ARL14EP: variants seen among roughly 807,000 people sequenced by gnomAD.
The protein encoded by ARL14EP is ARL14 effector protein.
A neutral mutation model predicts 23.1 loss-of-function variants in ARL14EP; 12 were observed. The ratio of observed to expected loss-of-function variants is 0.52; its 90% confidence interval spans 0.33 to 0.84. ARL14EP has a LOEUF of 0.84. Ranked by LOEUF, ARL14EP falls within the 40% of genes least tolerant of loss-of-function variation. The probability of loss-of-function intolerance (pLI) is 0.02; values close to 1 mark genes in which losing one functional copy is unlikely to be tolerated. For missense variants in ARL14EP, 253 were observed against 307.3 expected (o/e 0.82, Z 1.32); for synonymous variants, 97 against 102.0 (o/e 0.95, Z 0.29).
intron 2 of ARL14EP, 125 bp downstream of exon 2, chr11:30,331,499 G>A (rs1947283160): frequency 6.6e-7 from 1 of 1,514,754 alleles, no homozygotes; most frequent in South Asian, 1.3e-5. Flanking sequence ...AAAAGGAGGG[G>A]TGAAAGTGGA....
chr11:30,326,827 C>T (rs931178156), intron 1 of ARL14EP, among the ~76,000 whole-genome samples: 5 of 151,978 alleles, frequency 3.3e-5, no homozygotes, highest in Non-Finnish European at 7.4e-5. Context: ...TGCAGTTTTA[C>T]TCAGGTGTGT....
rs537776721 is a variant in ARL14EP at position 30,328,764 on chromosome 11, G to A, written c.-63-2122G>A. The A allele has an allele frequency of 5.9e-5, 9 of 151,676 alleles. No homozygotes were observed. In the South Asian group the frequency reaches 1.9e-3, roughly 32 times the overall value. The allele number at this position is 151,676 out of a possible 1,614,324, so 9.4% of individuals were successfully genotyped here. ...TTCTCTGCAGAAACCATATCAAAAT[G>A]TGTTTAAGATTTCTCTCCAGTTTTT... is the stretch of plus-strand genomic sequence containing the variant. On this transcript the variant is annotated intron_variant, in intron 1 of 3. Coordinates refer to ENST00000282032, the MANE Select transcript of ARL14EP (RefSeq NM_152316.3).
chr11:30,331,006 A>G lies in ARL14EP; in HGVS notation c.58A>G (p.Thr20Ala). The stretch of plus-strand genomic sequence containing the variant: ...TCGTACTACAAATGAGTGCCATAAA[A>G]CCTACTATACTCGTCACACAGGTTT... Reference protein sequence around the residue: ...QLRTTNECHKTYYTRHTGFKT... With the variant: ...QLRTTNECHKAYYTRHTGFKT... Residue 20 changes from threonine to alanine, a missense_variant, in exon 2 of 4, where the codon ACC becomes GCC. Coordinates refer to ENST00000282032, the MANE Select transcript of ARL14EP (RefSeq NM_152316.3). 6.2e-7 allele frequency: 1 copy of G among 1,613,898 alleles called. No homozygotes were observed. Among genetic ancestry groups the G allele is most frequent in the Non-Finnish European group, 8.5e-7 (1 of 1,179,822 alleles).
rs2133657895 is a variant in ARL14EP at position 30,338,183 on chromosome 11, C to T, written c.*1388C>T. On this transcript the variant is annotated 3_prime_UTR_variant, in exon 4 of 4. Transcript: ENST00000282032. ...TATATCTAAGTGCTGAAATATATTT[C>T]TCTTCTCCCCACTTATTCAAATAAA... 6.6e-6 allele frequency: 1 copy of T among 152,292 alleles called. No homozygotes were observed. Among genetic ancestry groups the T allele is most frequent in the East Asian group, 1.9e-4 (1 of 5,186 alleles). 9.4% of individuals were successfully genotyped at this position (152,292 alleles called of 1,614,324 possible). A position where few individuals can be genotyped will look rare whatever the true frequency, so the allele number is the denominator to read the frequency against.
In ARL14EP at chr11:30,332,848, T is replaced by C; in HGVS notation, c.427-18T>C. The C allele has an allele frequency of 6.2e-7, 1 of 1,611,886 alleles. No individual in the cohort carries two copies. The highest frequency in any genetic ancestry group is 1.3e-5 in the African/African-American group (1 of 74,988). ...TGTTGTCAAGATTTGAGTTGATAAT[T>C]TGTTTACCTTTCTTCAGGGAAGAAC... On this transcript the variant is annotated intron_variant, in intron 2 of 3. Transcript: ENST00000282032.
chr11:30,331,348 C>G lies in ARL14EP; in HGVS notation c.400C>G (p.Arg134Gly). ...NGSVDVDTED[R>G]QKRKPESDGR... The stretch of plus-strand genomic sequence containing the variant: ...AAGTGTGGATGTTGATACTGAAGAC[C>G]GCCAGAAAAGGAAACCTGAGTCAGA... The change falls in exon 2 of 4, where the codon CGC (arginine) becomes GGC (glycine). Residue 134 changes from arginine to glycine, a missense_variant. By Grantham distance (125) the Arg-to-Gly change is moderately radical. Coordinates refer to ENST00000282032, the MANE Select transcript of ARL14EP (RefSeq NM_152316.3). 2.5e-6 allele frequency: 4 copies of G among 1,613,798 alleles called. No homozygotes were observed. The highest frequency in any genetic ancestry group is 2.5e-6 in the Non-Finnish European group (3 of 1,179,832).
chr11:30,330,785 C>T, intron 1 of ARL14EP, 101 bp from the exon 2 acceptor site: 5 of 650,546 alleles, frequency 7.7e-6, no homozygotes, highest in Non-Finnish European at 1.3e-5. Flanking sequence ...TTTTTTATTC[C>T]TTATTTTCTT....
rs36111177 is a variant in ARL14EP, at chr11:30,334,208, C to CTTTTTTTTTTTTTTTTTTTTTTTTTTT, written c.554+1240_554+1241insTTTTTTTTTTTTTTTTTTTTTTTTTTT. On this transcript the variant is annotated intron_variant, in intron 3 of 3. Coordinates refer to ENST00000282032, the MANE Select transcript of ARL14EP (RefSeq NM_152316.3). ...CAGATTTTCAATGTAGACCAGCCTT[C>CTTTTTTTTTTTTTTTTTTTTTTTTTTT]TTTTTTTTTTTTTTTTTTTTTTTTT... is the stretch of plus-strand genomic sequence containing the variant. Among the ~76,000 whole-genome samples, 22 of 86,032 alleles carry CTTTTTTTTTTTTTTTTTTTTTTTTTTT rather than the reference C, an allele frequency of 2.6e-4. 1 individual carries two copies. Among genetic ancestry groups the CTTTTTTTTTTTTTTTTTTTTTTTTTTT allele is most frequent in the South Asian group, 1.4e-3 (3 of 2,072 alleles). The allele number at this position is 86,032 out of a possible 152,430, so 56.4% of individuals were successfully genotyped here. A position where few individuals can be genotyped will look rare whatever the true frequency, so the allele number is the denominator to read the frequency against.
At position 30,332,821 on chromosome 11, in the gene ARL14EP, T is replaced by G. The variant is rs375200089; in HGVS notation, c.427-45T>G. On this transcript the variant is annotated intron_variant, in intron 2 of 3. Coordinates refer to ENST00000282032, the MANE Select transcript of ARL14EP (RefSeq NM_152316.3). ...CATTAAATAAAATGTTAATCTGTTGTCTGTTGTCAAGATTTGAGTTGATAA... is the reference window on the plus strand; with the variant it reads ...CATTAAATAAAATGTTAATCTGTTGGCTGTTGTCAAGATTTGAGTTGATAA... 1.0e-5 allele frequency: 16 copies of G among 1,603,930 alleles called. No individual in the cohort carries two copies. In the African/African-American group the frequency reaches 2.1e-4, roughly 21 times the overall value.
intron 1 of ARL14EP, among the ~76,000 whole-genome samples, chr11:30,323,829 G>A (rs1947215134): frequency 6.6e-6 from 1 of 152,190 alleles, no homozygotes; most frequent in African/African-American, 2.4e-5. Context: ...ATCTGTAAAT[G>A]AGAATGATAG....
Position 30,333,783 on chromosome 11 carries a change from C to T in ARL14EP, c.554+790C>T, listed in dbSNP as rs183048155. Among the ~76,000 whole-genome samples the T allele has an allele frequency of 3.9e-5, 6 of 152,240 alleles. No individual in the cohort carries two copies. The East Asian group carries it at 9.7e-4, about 25-fold the overall frequency. ...AATGATTAAGCTTGGGAGTAAGGCA[C>T]GTCAAAAGCTGAGACAGGCCAAAAG... is the stretch of plus-strand genomic sequence containing the variant. On this transcript the variant is annotated intron_variant, in intron 3 of 3. Coordinates refer to ENST00000282032, the MANE Select transcript of ARL14EP (RefSeq NM_152316.3).
At chr11:30,328,394 A>G (rs909415396) in intron 1 of ARL14EP, 1 of 152,136 alleles carries the variant, frequency 6.6e-6, no homozygotes, top group Non-Finnish European at 1.5e-5. Flanking sequence ...TGGCCTCCCA[A>G]AGTGCTGGGA....
chr11:30,327,302 G>A lies in ARL14EP; in HGVS notation c.-63-3584G>A, dbSNP rs1336056699. Among the ~76,000 whole-genome samples, 3 of 152,050 alleles carry A rather than the reference G, an allele frequency of 2.0e-5. No homozygotes were observed. In the East Asian group the frequency reaches 5.8e-4, roughly 29 times the overall value. On this transcript the variant is annotated intron_variant, in intron 1 of 3. Coordinates refer to ENST00000282032, the MANE Select transcript of ARL14EP (RefSeq NM_152316.3). ...TGTAGTAATTTAGCCATGAATAAAG[G>A]AAACTAATGGAACAGAGACTCCCCA... is the stretch of plus-strand genomic sequence containing the variant.
rs1183268436 is a variant in ARL14EP at position 30,336,900 on chromosome 11, C to G, written c.*105C>G. 1 of 1,082,868 alleles carries G rather than the reference C, an allele frequency of 9.2e-7. No individual in the cohort carries two copies. The highest frequency in any genetic ancestry group is 1.4e-6 in the Non-Finnish European group (1 of 727,784). 67.1% of individuals were successfully genotyped at this position (1,082,868 alleles called of 1,614,324 possible). ...TTATCATATGACAAAGATTTTAAAA[C>G]CATCTCAGTGTGCCCTAATTTTTCA... On this transcript the variant is annotated 3_prime_UTR_variant, in exon 4 of 4. Coordinates refer to ENST00000282032, the MANE Select transcript of ARL14EP (RefSeq NM_152316.3).
chr11:30,334,435 C>T (rs568744597), intron 3 of ARL14EP, among the ~76,000 whole-genome samples: 8 of 151,952 alleles, frequency 5.3e-5, no homozygotes, highest in Non-Finnish European at 7.4e-5. Flanking sequence ...AGGATGGTCT[C>T]GATCTCCTGC....
At position 30,331,019 on chromosome 11, in the gene ARL14EP, G is replaced by A. The variant is rs199566595; in HGVS notation, c.71G>A (p.Arg24His). The change falls in exon 2 of 4, where the codon CGT becomes CAT. Residue 24 changes from arginine (R) to histidine (H), a missense_variant. Transcript: ENST00000282032. ...GAGTGCCATAAAACCTACTATACTC[G>A]TCACACAGGTTTTAAGACTTTGCAA... is the stretch of plus-strand genomic sequence containing the variant. The part of the protein sequence containing the change: ...TNECHKTYYT[R>H]HTGFKTLQEL... 7.4e-6 allele frequency: 12 copies of A among 1,613,798 alleles called. No homozygotes were observed. Among genetic ancestry groups the A allele is most frequent in the East Asian group, 4.5e-5 (2 of 44,856 alleles).
intron 1 of ARL14EP, 163 bp from the exon 2 acceptor site, chr11:30,330,723 G>C: frequency 2.0e-6 from 1 of 491,040 alleles, no homozygotes; most frequent in South Asian, 2.4e-5. Context: ...ACTTTACAGG[G>C]AACGCTTCTG....
chr11:30,323,353 C>A (rs1391864814), intron 1 of ARL14EP, among the ~76,000 whole-genome samples, 151 bp downstream of exon 1: 1 of 152,120 alleles, frequency 6.6e-6, no homozygotes, highest in East Asian at 1.9e-4. Context: ...AGCTGCTGGC[C>A]GGGGCCTCTC....
chr11:30,330,147 A>C (rs968247348), intron 1 of ARL14EP: 1 of 152,116 alleles, frequency 6.6e-6, no homozygotes, highest in African/African-American at 2.4e-5. Flanking sequence ...ATAGTACCAC[A>C]TGTCATATAC....
Sources: gnomAD v4.1 joint callset for allele counts (sites outside exome capture counted in the v4.1 genomes callset) on GRCh38, gnomAD v4.1.1 for gene constraint, MANE v1.5 for transcripts, NCBI Gene and HGNC (gene_info 2026-07-23, HGNC 2026-07-21) for gene names.